Variants in DOCK10 observed in about 807,000 individuals in gnomAD.
The protein encoded by DOCK10 is dedicator of cytokinesis 10, also known as dedicator of cytokinesis protein 10.
A neutral mutation model predicts 280.1 loss-of-function variants in DOCK10; 145 were observed. The ratio of observed to expected loss-of-function variants is 0.52; its 90% confidence interval spans 0.45 to 0.59. The LOEUF is 0.59. Among genes scored for constraint, DOCK10 ranks in the 20% least tolerant of loss-of-function variants. DOCK10 has a pLI of 0.00. For synonymous variants in DOCK10, 915 were observed against 942.2 expected, an observed-to-expected ratio of 0.97 and a Z score of 0.53; for missense variants, 2,368 against 2,651.7, an observed-to-expected ratio of 0.89 and a Z score of 2.35.
intron 1 of DOCK10, among the ~76,000 whole-genome samples, chr2:224,964,132 T>C (rs1308537293): frequency 6.6e-6 from 1 of 152,148 alleles, no homozygotes; most frequent in Admixed American, 6.5e-5. Context: ...AGATGTCTTA[T>C]GTGTTTTCCT....
chr2:224,783,199 T>A (rs76439432), intron 50 of DOCK10, among the ~76,000 whole-genome samples: 1 of 152,260 alleles, frequency 6.6e-6, no homozygotes, highest in East Asian at 1.9e-4. Flanking sequence ...TTTGAACTTA[T>A]GGAGTGTCGT....
intron 3 of DOCK10, among the ~76,000 whole-genome samples, chr2:224,899,525 C>T (rs1008147709): frequency 2.0e-5 from 3 of 151,962 alleles, no homozygotes; most frequent in African/African-American, 7.3e-5. Flanking sequence ...ATGGTGGTGT[C>T]ATGGGAAAAA....
At chr2:224,968,895 A>C (rs1196139686) in intron 1 of DOCK10, among the ~76,000 whole-genome samples, 1 of 152,226 alleles carries the variant, frequency 6.6e-6, no homozygotes, top group Non-Finnish European at 1.5e-5. Context: ...ACTGTAACTC[A>C]AACAGAGCCA....
intron 4 of DOCK10, among the ~76,000 whole-genome samples, chr2:224,889,622 G>A (rs1699539307): frequency 6.6e-6 from 1 of 152,204 alleles, no homozygotes; most frequent in South Asian, 2.1e-4. Context: ...ACTGCTGCCT[G>A]CACTGATGTT....
rs753950169 is a variant in DOCK10, at chr2:224,856,918, G to T, written c.1750C>A (p.Gln584Lys). 5.1e-5 allele frequency: 83 copies of T among 1,612,062 alleles called. No individual in the cohort carries two copies. The highest frequency in any genetic ancestry group is 6.9e-5 in the Non-Finnish European group (81 of 1,178,694). The change falls in exon 15 of 56, where the codon CAA becomes AAA. Residue 584 changes from glutamine to lysine, a missense_variant. Physicochemically the swap from Gln to Lys is moderately conservative, Grantham distance 53. Transcript: ENST00000258390. ...RDSRFSPLFR[Q>K]ESSKISTEDL... ...TCAGTTGAAATCTTGCTACTTTCTT[G>T]TCTAAACAATGGTGAAAATCTTGAG...
At chr2:224,876,709 G>A (rs1301844689) in intron 7 of DOCK10, among the ~76,000 whole-genome samples, 1 of 152,006 alleles carries the variant, frequency 6.6e-6, no homozygotes, top group Admixed American at 6.6e-5. Context: ...TAACACAATG[G>A]CCACTTCCTC....
chr2:224,855,130 G>C (rs1393626544), intron 15 of DOCK10, 88 bp from the exon 16 acceptor site: 2 of 842,378 alleles, frequency 2.4e-6, no homozygotes, highest in East Asian at 2.9e-5. Context: ...CAAGGAAAAA[G>C]CAGTCATCTA....
chr2:224,793,958 A>G (rs1692381549), intron 45 of DOCK10, among the ~76,000 whole-genome samples: 4 of 152,238 alleles, frequency 2.6e-5, no homozygotes, highest in African/African-American at 9.6e-5. Flanking sequence ...GCTCCCCACA[A>G]ACTAGATTAT....
chr2:224,835,769 G>T (rs1237511633), intron 25 of DOCK10, among the ~76,000 whole-genome samples: 1 of 152,188 alleles, frequency 6.6e-6, no homozygotes, highest in African/African-American at 2.4e-5. Flanking sequence ...TTATTAGGAG[G>T]TATTTGTTTT....
intron 1 of DOCK10, among the ~76,000 whole-genome samples, chr2:224,978,658 T>C (rs1705575489): frequency 6.6e-6 from 1 of 152,172 alleles, no homozygotes; most frequent in South Asian, 2.1e-4. Context: ...TTATACACTA[T>C]AAATATTATA....
intron 23 of DOCK10, among the ~76,000 whole-genome samples, chr2:224,840,890 A>G (rs1469174435): frequency 6.6e-6 from 1 of 152,240 alleles, no homozygotes; most frequent in Non-Finnish European, 1.5e-5. Context: ...TGGGTAAAGA[A>G]AATGTGGTAC....
intron 2 of DOCK10, among the ~76,000 whole-genome samples, chr2:224,931,070 G>T (rs905437043): frequency 1.1e-4 from 17 of 152,194 alleles, no homozygotes; most frequent in Non-Finnish European, 2.2e-4. Context: ...AGATGTTCTA[G>T]CCTACCTTTC....
At chr2:224,778,505 C>A in intron 50 of DOCK10, 1 of 583,088 alleles carries the variant, frequency 1.7e-6, no homozygotes, top group Non-Finnish European at 3.1e-6. Flanking sequence ...CTAGCCAGGC[C>A]AAAGAAACTC....
chr2:224,939,524 A>G (rs1702887397), intron 1 of DOCK10, among the ~76,000 whole-genome samples: 2 of 152,246 alleles, frequency 1.3e-5, no homozygotes, highest in South Asian at 4.1e-4. Context: ...ATCAAACTAA[A>G]TTACATGTCT....
chr2:225,030,965 T>C (rs944911521), intron 1 of DOCK10, among the ~76,000 whole-genome samples: 1 of 152,224 alleles, frequency 6.6e-6, no homozygotes, highest in African/African-American at 2.4e-5. Context: ...TTTGCATGCC[T>C]AATCTATACT....
intron 30 of DOCK10, among the ~76,000 whole-genome samples, chr2:224,815,781 A>C (rs1322373621): frequency 2.6e-5 from 4 of 152,104 alleles, no homozygotes; most frequent in African/African-American, 4.8e-5. Context: ...CACACCTGTA[A>C]TCCCAGCACT....
chr2:224,877,932 AAT>A (rs1698742264), intron 7 of DOCK10, among the ~76,000 whole-genome samples: 2 of 152,324 alleles, frequency 1.3e-5, no homozygotes, highest in South Asian at 4.1e-4. Context: ...AGCTTTTATC[AAT>A]ATGTTCTAAA....
chr2:224,907,942 G>A (rs1700758682), intron 3 of DOCK10, among the ~76,000 whole-genome samples: 1 of 152,098 alleles, frequency 6.6e-6, no homozygotes, highest in Non-Finnish European at 1.5e-5. Context: ...GGAGAAAAAT[G>A]GACAGAATTT....
intron 2 of DOCK10, among the ~76,000 whole-genome samples, chr2:224,928,470 A>G (rs1361727771): frequency 6.6e-6 from 1 of 152,154 alleles, no homozygotes; most frequent in African/African-American, 2.4e-5. Flanking sequence ...TCCCTAAGCT[A>G]TTTTAACAAC....
Sources: allele counts gnomAD v4.1 joint callset (sites outside exome capture counted in the v4.1 genomes callset), GRCh38; gene constraint gnomAD v4.1.1; transcripts MANE v1.5; gene names NCBI Gene and HGNC (gene_info 2026-07-23, HGNC 2026-07-21).